Variants in SASH1 observed in about 807,000 individuals in gnomAD.
The protein encoded by SASH1 is SAM and SH3 domain-containing protein 1.
SASH1 carries 44 observed loss-of-function variants against 125.2 expected under a neutral mutation model. The observed-to-expected ratio is 0.35, with a 90% CI of 0.28 to 0.45. SASH1 has a LOEUF of 0.45. Among genes scored for constraint, SASH1 ranks in the 20% least tolerant of loss-of-function variants. The probability of loss-of-function intolerance (pLI) is 1.00; values close to 1 mark genes in which losing one functional copy is unlikely to be tolerated. For missense variants in SASH1, 1,426 were observed against 1,614.5 expected (o/e 0.88, Z 2.00); for synonymous variants, 639 against 649.1 (o/e 0.98, Z 0.24).
At chr6:148,351,191 GT>G (rs67285564) in intron 1 of SASH1, among the ~76,000 whole-genome samples, 35,766 of 101,654 alleles carry the variant, frequency 0.35, 5,621 homozygotes, top group Middle Eastern at 0.49. Flanking sequence ...TGCGATAGTA[GT>G]TTTTTTTTTT....
chr6:148,520,125 G>A (rs745330140), intron 10 of SASH1: 6 of 529,058 alleles, frequency 1.1e-5, no homozygotes, highest in African/African-American at 1.9e-5. Flanking sequence ...CGGGAGCTGC[G>A]GCTTCCCCGG....
chr6:148,549,814 C>CTT lies in SASH1; in HGVS notation c.*1267_*1268dup. 3.4e-4 allele frequency: 106 copies of CTT among 308,014 alleles called. No individual in the cohort carries two copies. The highest frequency in any genetic ancestry group is 4.8e-4 in the East Asian group (10 of 20,962). 19.1% of individuals were successfully genotyped at this position (308,014 alleles called of 1,614,324 possible). ...ACAACTGATTTCAGCACATTCTATC[C>CTT]TTTTTTTTTTTTGAAATGGAGTTTC... On this transcript the variant is annotated 3_prime_UTR_variant, in exon 20 of 20. Coordinates refer to ENST00000367467, the MANE Select transcript of SASH1 (RefSeq NM_015278.5).
chr6:148,316,825 CA>C (rs1780490618), intron 1 of SASH1, among the ~76,000 whole-genome samples: 1 of 152,140 alleles, frequency 6.6e-6, no homozygotes, highest in African/African-American at 2.4e-5. Context: ...TCTGGTATGT[CA>C]GGGGTTATAG....
chr6:148,293,649 C>T lies in SASH1; in HGVS notation n.74+21272C>T, dbSNP rs527922018. Among the ~76,000 whole-genome samples, 10 of 152,288 alleles carry T rather than the reference C, an allele frequency of 6.6e-5. No homozygotes were observed. In the East Asian group the frequency reaches 1.9e-3, roughly 29 times the overall value. The stretch of plus-strand genomic sequence containing the variant: ...AATTGGAGAAATCTTGTTTACGCCA[C>T]TGATGCCAGGATCTAAATTTTCTAC... On this transcript the variant is annotated intron_variant and non_coding_transcript_variant, in intron 1 of 3. Coordinates refer to the SASH1 transcript ENST00000367469.
chr6:148,305,346 G>A (rs1459933880), intron 1 of SASH1, among the ~76,000 whole-genome samples: 4 of 152,152 alleles, frequency 2.6e-5, no homozygotes, highest in East Asian at 1.9e-4. Context: ...AGTGGCTCAC[G>A]CCTGTAATCC....
chr6:148,206,395 A>G, the SASH1 span, among the ~76,000 whole-genome samples: 1 of 152,128 alleles, frequency 6.6e-6, no homozygotes, highest in Non-Finnish European at 1.5e-5. Flanking sequence ...TTTTTCTTCA[A>G]ATTTACTTCC....
intron 1 of SASH1, chr6:148,272,406 A>C: frequency 2.1e-6 from 1 of 470,216 alleles, no homozygotes. Flanking sequence ...TTCAAATTTT[A>C]AGACTGTTTT....
chr6:148,194,023 A>G, the SASH1 span, among the ~76,000 whole-genome samples: 2 of 152,182 alleles, frequency 1.3e-5, no homozygotes, highest in African/African-American at 4.8e-5. Context: ...ATTTTCTCTA[A>G]GGTGTGTATA....
At chr6:148,435,378 CAA>C (rs35272119) in intron 2 of SASH1, among the ~76,000 whole-genome samples, 28,723 of 104,740 alleles carry the variant, frequency 0.27, 2,575 homozygotes, top group East Asian at 0.35. Flanking sequence ...GACTCTGACT[CAA>C]AAAAAAAAAA....
intron 8 of SASH1, among the ~76,000 whole-genome samples, chr6:148,500,219 A>ATTT (rs35731806): frequency 1.8e-4 from 26 of 145,942 alleles, no homozygotes; most frequent in Admixed American, 1.0e-3. Flanking sequence ...CTGACAATAG[A>ATTT]TTTTTTTTTT....
At chr6:148,400,889 C>T (rs56126823) in intron 2 of SASH1, among the ~76,000 whole-genome samples, 3,833 of 152,224 alleles carry the variant, frequency 0.025, 151 homozygotes, top group African/African-American at 0.088. Context: ...TCTTTTCTTT[C>T]GGTTTGGAAG....
Position 148,519,765 on chromosome 6 carries a change from G to C in SASH1, c.1081G>C (p.Gly361Arg), listed in dbSNP as rs760079961. The change falls in exon 10 of 20, where the codon GGC (glycine) becomes CGC (arginine). Residue 361 changes from glycine (G) to arginine (R), a missense_variant. By Grantham distance (125) the Gly-to-Arg change is moderately radical. Around this residue, in one of 3 missense-constraint regions of SASH1, gnomAD observed 567 missense variants for 575.6 expected, o/e 0.99. Coordinates refer to ENST00000367467, the MANE Select transcript of SASH1 (RefSeq NM_015278.5). This position sits in a 1 kb window ranked among gnomAD's most constrained non-coding sequence, Gnocchi z 4.8. ...VKTFSKGESR[G>R]LIKPPKKMGT... ...AACCTTCAGCAAAGGAGAGAGCCGG[G>C]GCCTGATTAAGCCCCCCAAGAAGAT... 3.1e-6 allele frequency: 5 copies of C among 1,614,030 alleles called. No individual in the cohort carries two copies. In the South Asian group the frequency reaches 5.5e-5, roughly 18 times the overall value.
At chr6:148,535,084 G>GC (rs1781762122) in intron 16 of SASH1, among the ~76,000 whole-genome samples, 183 bp downstream of exon 16, 1 of 152,112 alleles carries the variant, frequency 6.6e-6, no homozygotes, top group Non-Finnish European at 1.5e-5. Flanking sequence ...GCCACAGCAG[G>GC]CCCCACCTAC....
chr6:148,364,844 C>T (rs548502232), intron 1 of SASH1, among the ~76,000 whole-genome samples: 3 of 152,180 alleles, frequency 2.0e-5, no homozygotes, highest in African/African-American at 7.2e-5. Flanking sequence ...TCCCTCCGGC[C>T]GGGCACAGTG....
At chr6:148,492,581 G>T (rs558376232) in intron 8 of SASH1, among the ~76,000 whole-genome samples, 9 of 152,172 alleles carry the variant, frequency 5.9e-5, no homozygotes, top group Non-Finnish European at 1.0e-4. Flanking sequence ...ACTTTGGGAG[G>T]CTGAGGCAGG....
intron 1 of SASH1, among the ~76,000 whole-genome samples, chr6:148,352,472 C>T (rs182246561): frequency 6.6e-6 from 1 of 152,118 alleles, no homozygotes; most frequent in African/African-American, 2.4e-5. Context: ...TGGCAGGCGC[C>T]TGTAGTCCCA....
intron 4 of SASH1, among the ~76,000 whole-genome samples, chr6:148,441,900 A>G (rs1043172715): frequency 1.3e-5 from 2 of 152,202 alleles, no homozygotes; most frequent in African/African-American, 4.8e-5. Context: ...TGAGGTTAAC[A>G]AAAAATTTTA....
At chr6:148,430,927 T>G (rs1285595501) in intron 2 of SASH1, among the ~76,000 whole-genome samples, 1 of 152,176 alleles carries the variant, frequency 6.6e-6, no homozygotes. Flanking sequence ...CTAAAGATTA[T>G]CAAGTGGTCC....
intron 1 of SASH1, among the ~76,000 whole-genome samples, chr6:148,290,353 T>C (rs748293244): frequency 1.1e-4 from 16 of 149,954 alleles, no homozygotes; most frequent in Non-Finnish European, 1.8e-4. Flanking sequence ...ATGCCTGTAA[T>C]CCCAGCACTT....
Sources: gnomAD v4.1 joint callset for allele counts (sites outside exome capture counted in the v4.1 genomes callset) on GRCh38, gnomAD v4.1.1 for gene constraint, gnomAD v4.1.1 regional missense constraint, Gnocchi (gnomAD v3.1) non-coding constraint, MANE v1.5 for transcripts, NCBI Gene and HGNC (gene_info 2026-07-23, HGNC 2026-07-21) for gene names.